NEGR1: variants seen among roughly 807,000 people sequenced by gnomAD.
NEGR1 encodes the protein neuronal growth regulator 1.
NEGR1 carries 10 observed loss-of-function variants against 40.9 expected under a neutral mutation model. The observed-to-expected ratio is 0.24, with a 90% CI of 0.15 to 0.42. NEGR1 has a LOEUF of 0.42. Among genes scored for constraint, NEGR1 ranks in the 10% least tolerant of loss-of-function variants. The pLI, the probability that NEGR1 is intolerant of heterozygous loss-of-function variation, is 1.00. For missense variants in NEGR1, 352 were observed against 438.9 expected, an observed-to-expected ratio of 0.80 and a Z score of 1.77; for synonymous variants, 185 against 166.8, an observed-to-expected ratio of 1.11 and a Z score of -0.84.
At chr1:71,739,116 T>G (rs947172435) in intron 3 of NEGR1, among the ~76,000 whole-genome samples, 12 of 145,710 alleles carry the variant, frequency 8.2e-5, no homozygotes, top group Non-Finnish European at 1.6e-4. Context: ...TTTGAGTCAG[T>G]GGACTGGGAA....
intron 4 of NEGR1, among the ~76,000 whole-genome samples, chr1:71,654,547 A>G (rs1468875004): frequency 6.6e-6 from 1 of 152,146 alleles, no homozygotes; most frequent in Admixed American, 6.5e-5. Flanking sequence ...TATGGTTGTG[A>G]CTTAACTCAC....
intron 4 of NEGR1, among the ~76,000 whole-genome samples, chr1:71,635,779 T>G (rs1651127804): frequency 6.6e-6 from 1 of 152,064 alleles, no homozygotes; most frequent in Non-Finnish European, 1.5e-5. Context: ...CCTGGGGTTA[T>G]GAATGCTTGA....
chr1:71,602,754 T>C (rs1421838729), intron 5 of NEGR1, among the ~76,000 whole-genome samples: 1 of 152,194 alleles, frequency 6.6e-6, no homozygotes, highest in African/African-American at 2.4e-5. Context: ...TTGCTGATTT[T>C]TATGACAAAT....
chr1:71,634,786 A>G (rs760484915), intron 4 of NEGR1, among the ~76,000 whole-genome samples: 2 of 152,118 alleles, frequency 1.3e-5, no homozygotes, highest in Non-Finnish European at 2.9e-5. Flanking sequence ...TGAAATCCAA[A>G]TTGTGGCTTT....
intron 1 of NEGR1, among the ~76,000 whole-genome samples, chr1:72,250,762 T>G (rs1217870948): frequency 6.6e-6 from 1 of 152,186 alleles, no homozygotes; most frequent in Admixed American, 6.6e-5. Context: ...AATTAAAATC[T>G]CAGCCACTGA....
intron 1 of NEGR1, among the ~76,000 whole-genome samples, chr1:72,059,423 T>A (rs1317069958): frequency 6.6e-6 from 1 of 151,644 alleles, no homozygotes; most frequent in Non-Finnish European, 1.5e-5. Context: ...TTCCTTTGCC[T>A]TGACGTGTCA....
intron 3 of NEGR1, among the ~76,000 whole-genome samples, chr1:71,732,475 C>T (rs998593568): frequency 6.7e-5 from 10 of 149,744 alleles, no homozygotes; most frequent in East Asian, 6.1e-4. Context: ...TAGCCACATT[C>T]GACACATTAC....
intron 1 of NEGR1, among the ~76,000 whole-genome samples, chr1:72,152,174 T>C (rs1465315398): frequency 1.3e-5 from 2 of 151,848 alleles, no homozygotes; most frequent in Non-Finnish European, 2.9e-5. Flanking sequence ...TCTTTGACCA[T>C]AATCTAATTA....
intron 4 of NEGR1, among the ~76,000 whole-genome samples, chr1:71,679,633 C>T (rs990148821): frequency 2.0e-4 from 30 of 152,120 alleles, no homozygotes; most frequent in African/African-American, 6.5e-4. Flanking sequence ...CACATAGAGG[C>T]AATTTGGCAG....
Position 71,397,177 on chromosome 1 carries a change from G to T in NEGR1, c.*10269C>A, listed in dbSNP as rs573074622. 1 of 152,742 alleles carries T rather than the reference G, an allele frequency of 6.5e-6. No individual in the cohort carries two copies. Among genetic ancestry groups the T allele is most frequent in the Admixed American group, 6.5e-5 (1 of 15,294 alleles). 9.5% of individuals were successfully genotyped at this position (152,742 alleles called of 1,614,324 possible). A position where few individuals can be genotyped will look rare whatever the true frequency, so the allele number is the denominator to read the frequency against. ...GTGACTCTTGTTATGTTTTAGCAAA[G>T]AGATGGGTAGCATTTTGCCCTTGCC... On this transcript the variant is annotated 3_prime_UTR_variant, in exon 7 of 7. Transcript: ENST00000357731.
At chr1:71,705,977 T>A (rs1570238661) in intron 3 of NEGR1, among the ~76,000 whole-genome samples, 2 of 151,980 alleles carry the variant, frequency 1.3e-5, no homozygotes, top group Admixed American at 6.6e-5. Flanking sequence ...TTAATAACTA[T>A]CTACACAGAA....
chr1:72,110,473 T>C (rs1649316905), intron 1 of NEGR1, among the ~76,000 whole-genome samples: 2 of 151,722 alleles, frequency 1.3e-5, no homozygotes, highest in Non-Finnish European at 3.0e-5. Flanking sequence ...GTTTATTTTA[T>C]GGTAGCCATG....
intron 1 of NEGR1, among the ~76,000 whole-genome samples, chr1:72,227,516 G>A (rs991313512): frequency 1.3e-5 from 2 of 151,992 alleles, no homozygotes; most frequent in African/African-American, 4.8e-5. Flanking sequence ...AACAGCAGAC[G>A]GTGAGGAGGA....
chr1:71,634,141 C>T (rs1651063578), intron 4 of NEGR1, among the ~76,000 whole-genome samples: 1 of 151,984 alleles, frequency 6.6e-6, no homozygotes, highest in African/African-American at 2.4e-5. Context: ...TAGGTTTAGG[C>T]CACGTGGGAT....
At chr1:71,507,228 T>G (rs966386720) in intron 6 of NEGR1, among the ~76,000 whole-genome samples, 1 of 152,208 alleles carries the variant, frequency 6.6e-6, no homozygotes, top group African/African-American at 2.4e-5. Flanking sequence ...AAAATTAGAC[T>G]ATTTAGCCTG....
chr1:71,988,843 C>T (rs576996271), intron 1 of NEGR1, among the ~76,000 whole-genome samples: 1 of 140,266 alleles, frequency 7.1e-6, no homozygotes, highest in East Asian at 2.3e-4. Flanking sequence ...CGCAGCTAAA[C>T]ATCCATTATT....
intron 1 of NEGR1, among the ~76,000 whole-genome samples, chr1:71,993,845 CCA>C (rs1646477083): frequency 6.6e-6 from 1 of 152,114 alleles, no homozygotes; most frequent in South Asian, 2.1e-4. Flanking sequence ...ATCATCTTAA[CCA>C]CAGTTTCTAC....
intron 1 of NEGR1, among the ~76,000 whole-genome samples, chr1:71,960,802 A>C (rs1257030830): frequency 6.6e-6 from 1 of 152,190 alleles, no homozygotes; most frequent in Non-Finnish European, 1.5e-5. Context: ...CTTAGGTCAT[A>C]GTAGTAAATT....
intron 2 of NEGR1, among the ~76,000 whole-genome samples, chr1:71,840,386 A>G (rs928619861): frequency 3.9e-5 from 6 of 152,130 alleles, no homozygotes; most frequent in Admixed American, 3.3e-4. Context: ...AGAATTGAAA[A>G]AAAAAGATAT....
Sources: gnomAD v4.1 joint callset for allele counts (sites outside exome capture counted in the v4.1 genomes callset) on GRCh38, gnomAD v4.1.1 for gene constraint, MANE v1.5 for transcripts, NCBI Gene and HGNC (gene_info 2026-07-23, HGNC 2026-07-21) for gene names.